The following ALDH9A1 variants were observed in gnomAD, a reference collection of about 807,000 sequenced individuals.
ALDH9A1 encodes the protein aldehyde dehydrogenase 9 family member A1.
Under a neutral mutation model 56.6 loss-of-function variants are expected in ALDH9A1, and 42 were observed. That is an observed-to-expected ratio of 0.74 (90% CI 0.58 to 0.96). The LOEUF is 0.96. ALDH9A1 is among the 40% of genes least tolerant of loss of function. The probability of loss-of-function intolerance (pLI) is 0.00; values close to 1 mark genes in which losing one functional copy is unlikely to be tolerated. For synonymous variants in ALDH9A1, 242 were observed against 236.0 expected, an observed-to-expected ratio of 1.03 and a Z score of -0.23; for missense variants, 661 against 651.5, an observed-to-expected ratio of 1.01 and a Z score of -0.16.
At chr1:165,688,092 G>A (rs1649770781) in intron 2 of ALDH9A1, among the ~76,000 whole-genome samples, 1 of 152,158 alleles carries the variant, frequency 6.6e-6, no homozygotes, top group Non-Finnish European at 1.5e-5. Context: ...TGAGGCAGGA[G>A]GATGACTTGA....
intron 3 of ALDH9A1, 98 bp from the exon 4 acceptor site, chr1:165,682,339 C>A: frequency 1.5e-6 from 2 of 1,332,890 alleles, no homozygotes; most frequent in Non-Finnish European, 2.1e-6. Flanking sequence ...GTCAACGCAG[C>A]CTCCCCACTT....
chr1:165,668,924 A>G lies in ALDH9A1; in HGVS notation c.1207+2T>C, dbSNP rs1167416094. The G allele has an allele frequency of 6.3e-6, 10 of 1,575,488 alleles. No individual in the cohort carries two copies. Among genetic ancestry groups the G allele is most frequent in the Non-Finnish European group, 7.9e-6 (9 of 1,145,650 alleles). ...CTAAAAGCAAACAAAAAGAGGACAT[A>G]CTTAATACACAAGGTCTCATGTAAT... On this transcript the variant is annotated splice_donor_variant, in intron 8 of 10. Transcript: ENST00000354775. LOFTEE classifies it high-confidence loss of function.
At chr1:165,682,284 C>T (rs1649576327) in intron 3 of ALDH9A1, 43 bp from the exon 4 acceptor site, 1 of 1,598,516 alleles carries the variant, frequency 6.3e-7, no homozygotes, top group Non-Finnish European at 8.5e-7. Context: ...GGTCTGTGCT[C>T]CCCAAGATTT....
chr1:165,664,975 G>C (rs1423867495), intron 10 of ALDH9A1, 43 bp downstream of exon 10: 1 of 1,476,102 alleles, frequency 6.8e-7, no homozygotes, highest in Admixed American at 1.7e-5. Context: ...TTACGACCTA[G>C]CTCTAGAGAC....
Position 165,663,012 on chromosome 1 carries a change from C to T in ALDH9A1, c.*38G>A. ...TAAACAGGGCCAATTCACATCATTCCACAGCGTGGCCATGTCAATAGGTTT... is the reference window on the plus strand; with the variant it reads ...TAAACAGGGCCAATTCACATCATTCTACAGCGTGGCCATGTCAATAGGTTT... On this transcript the variant is annotated 3_prime_UTR_variant, in exon 11 of 11. Transcript: ENST00000354775. 6.4e-7 allele frequency: 1 copy of T among 1,558,604 alleles called. No homozygotes were observed. The highest frequency in any genetic ancestry group is 8.9e-7 in the Non-Finnish European group (1 of 1,129,550).
intron 6 of ALDH9A1, chr1:165,676,423 A>C (rs1649359195): frequency 4.6e-6 from 1 of 217,608 alleles, no homozygotes; most frequent in African/African-American, 2.4e-5. Flanking sequence ...GAAAGGCAAT[A>C]CTGTAGACAT....
chr1:165,683,638 G>C (rs1369287969), intron 2 of ALDH9A1, among the ~76,000 whole-genome samples: 1 of 152,208 alleles, frequency 6.6e-6, no homozygotes, highest in Admixed American at 6.5e-5. Context: ...GCATTTAAGA[G>C]GTTGTAATAT....
chr1:165,676,445 G>A, intron 6 of ALDH9A1: 1 of 240,348 alleles, frequency 4.2e-6, no homozygotes, highest in Non-Finnish European at 8.1e-6. Flanking sequence ...AAGCGAACGG[G>A]TACTATTCAA....
intron 2 of ALDH9A1, among the ~76,000 whole-genome samples, chr1:165,685,861 T>C (rs1649693444): frequency 1.3e-5 from 2 of 152,168 alleles, no homozygotes; most frequent in Non-Finnish European, 2.9e-5. Context: ...GAAGATAACC[T>C]ACATACACAA....
chr1:165,686,102 G>C (rs1325584905), intron 2 of ALDH9A1, among the ~76,000 whole-genome samples: 2 of 152,104 alleles, frequency 1.3e-5, no homozygotes, highest in East Asian at 1.9e-4. Context: ...AGCCAAGATG[G>C]ATTAACAGGG....
chr1:165,696,317 A>G (rs1650082419), intron 1 of ALDH9A1, among the ~76,000 whole-genome samples: 1 of 152,192 alleles, frequency 6.6e-6, no homozygotes, highest in Non-Finnish European at 1.5e-5. Context: ...CCTGCCCTCT[A>G]CTATTTTACA....
At chr1:165,677,406 C>T (rs1649397638) in intron 6 of ALDH9A1, among the ~76,000 whole-genome samples, 1 of 152,056 alleles carries the variant, frequency 6.6e-6, no homozygotes, top group Non-Finnish European at 1.5e-5. Context: ...AGGCCTCCTT[C>T]AGAGAAATGG....
At chr1:165,689,931 C>T (rs1649831662) in intron 2 of ALDH9A1, among the ~76,000 whole-genome samples, 1 of 96,234 alleles carries the variant, frequency 1.0e-5, no homozygotes, top group South Asian at 4.7e-4. Flanking sequence ...GAGACTCCAT[C>T]ACAAAAAAAA....
intron 2 of ALDH9A1, among the ~76,000 whole-genome samples, chr1:165,685,054 C>T (rs4646889): frequency 0.69 from 105,457 of 152,074 alleles, 36,889 homozygotes; most frequent in East Asian, 0.98. Context: ...ACGTAAGGAT[C>T]ATCAAAGATG....
chr1:165,681,138 T>A (rs1010369350), intron 4 of ALDH9A1, among the ~76,000 whole-genome samples: 1 of 152,196 alleles, frequency 6.6e-6, no homozygotes, highest in Non-Finnish European at 1.5e-5. Flanking sequence ...GGTGATACAA[T>A]TCAAGTTGAG....
At chr1:165,686,530 C>T (rs1649715257) in intron 2 of ALDH9A1, among the ~76,000 whole-genome samples, 1 of 138,602 alleles carries the variant, frequency 7.2e-6, no homozygotes, top group African/African-American at 2.6e-5. Context: ...AAAAAAAAAG[C>T]CCCAGAACTC....
chr1:165,664,497 C>T (rs1368853354), intron 10 of ALDH9A1, among the ~76,000 whole-genome samples: 2 of 152,172 alleles, frequency 1.3e-5, no homozygotes, highest in Non-Finnish European at 2.9e-5. Context: ...AGGAAACACA[C>T]TCCTATATGC....
chr1:165,696,497 T>C (rs1650087824), intron 1 of ALDH9A1, among the ~76,000 whole-genome samples: 1 of 152,246 alleles, frequency 6.6e-6, no homozygotes, highest in Admixed American at 6.5e-5. Context: ...ATCATACTAC[T>C]TGATACTTGA....
chr1:165,693,224 G>T (rs1311012203), intron 2 of ALDH9A1, among the ~76,000 whole-genome samples: 16 of 152,006 alleles, frequency 1.1e-4, no homozygotes, highest in Admixed American at 6.6e-4. Context: ...TGGGATCTAA[G>T]TAAACTAAAG....
Sources: allele counts gnomAD v4.1 joint callset (sites outside exome capture counted in the v4.1 genomes callset), GRCh38; gene constraint gnomAD v4.1.1; transcripts MANE v1.5; gene names NCBI Gene and HGNC (gene_info 2026-07-23, HGNC 2026-07-21).